The following TMEM63C variants were observed in gnomAD, a reference collection of about 807,000 sequenced individuals.
TMEM63C encodes transmembrane protein 63C, also known as osmosensitive cation channel TMEM63C.
Under a neutral mutation model 99.2 loss-of-function variants are expected in TMEM63C, and 32 were observed. That is an observed-to-expected ratio of 0.32 (90% CI 0.24 to 0.43). TMEM63C has a LOEUF of 0.43. Ranked by LOEUF, TMEM63C falls within the 20% of genes least tolerant of loss-of-function variation. TMEM63C has a pLI of 1.00. For synonymous variants in TMEM63C, 376 were observed against 397.9 expected (o/e 0.94, Z 0.66); for missense variants, 826 against 1,053.0 (o/e 0.78, Z 2.98).
At chr14:77,225,946 C>T (rs1888813291) in intron 6 of TMEM63C, among the ~76,000 whole-genome samples, 1 of 151,918 alleles carries the variant, frequency 6.6e-6, no homozygotes, top group African/African-American at 2.4e-5. Flanking sequence ...GAATGCCAGA[C>T]CCCACTTTGC....
At chr14:77,237,297 G>A (rs1889079552) in intron 9 of TMEM63C, among the ~76,000 whole-genome samples, 1 of 152,094 alleles carries the variant, frequency 6.6e-6, no homozygotes, top group Admixed American at 6.5e-5. Flanking sequence ...CTAGGCCCGT[G>A]CCTCGCCCTT....
intron 23 of TMEM63C, 131 bp from the exon 24 acceptor site, chr14:77,256,395 G>A (rs1288174976): frequency 1.2e-6 from 1 of 854,052 alleles, no homozygotes; most frequent in Admixed American, 2.1e-5. Flanking sequence ...CCAGGCTGCT[G>A]GGGAAGAAGG....
intron 2 of TMEM63C, among the ~76,000 whole-genome samples, chr14:77,217,643 G>A (rs1268694503): frequency 6.6e-6 from 1 of 152,134 alleles, no homozygotes; most frequent in Non-Finnish European, 1.5e-5. Flanking sequence ...AGTAGCTACC[G>A]GACACCTCCC....
chr14:77,220,011 C>T lies in TMEM63C; in HGVS notation c.236C>T (p.Thr79Ile), dbSNP rs759987716. 21 of 1,558,056 alleles carry T rather than the reference C, an allele frequency of 1.3e-5. No individual in the cohort carries two copies. Among genetic ancestry groups the T allele is most frequent in the Non-Finnish European group, 1.7e-5 (20 of 1,150,778 alleles). ...GCCCCTTCCCTGGCTGGCAGCCTGA[C>T]CTCGCTGATCTATGGGGAGCAGAGC... ...LALLIHNDSL[T>I]SLIYGEQSEK... The change falls in exon 5 of 24, where the codon ACC (threonine) becomes ATC (isoleucine). Residue 79 changes from threonine to isoleucine, a missense_variant. Transcript: ENST00000298351.
intron 6 of TMEM63C, among the ~76,000 whole-genome samples, chr14:77,226,262 T>C (rs1042812473): frequency 6.6e-6 from 1 of 151,562 alleles, no homozygotes; most frequent in African/African-American, 2.4e-5. Context: ...ACCCAAAGAC[T>C]CCTATCACAG....
In TMEM63C at chr14:77,256,540, C is replaced by T. The variant is rs764206947; in HGVS notation, c.2235C>T (p.Thr745=). Residue 745 remains threonine, a synonymous_variant, in exon 24 of 24, where the codon ACC becomes ACT. Coordinates refer to ENST00000298351, the MANE Select transcript of TMEM63C (RefSeq NM_020431.4). ...STPTSLLYVA[T]VLQEPELNLT... ...ATCCCAAGCAGCTGTATGTGGCCAC[C>T]GTGCTGCAAGAACCGGAGTTGAATC... 6.8e-6 allele frequency: 11 copies of T among 1,613,828 alleles called. No individual in the cohort carries two copies. The highest frequency in any genetic ancestry group is 6.6e-5 in the South Asian group (6 of 91,080).
intron 8 of TMEM63C, among the ~76,000 whole-genome samples, chr14:77,235,015 C>T (rs1421508335): frequency 6.6e-6 from 1 of 152,202 alleles, no homozygotes; most frequent in Non-Finnish European, 1.5e-5. Context: ...GGCACCGACC[C>T]TCTCTCACCC....
At chr14:77,225,537 C>T (rs1888805075) in intron 6 of TMEM63C, 76 bp downstream of exon 6, 1 of 1,497,146 alleles carries the variant, frequency 6.7e-7, no homozygotes, top group Non-Finnish European at 9.2e-7. Flanking sequence ...GAAAAGTTAG[C>T]AGCCCCCAGC....
chr14:77,244,729 T>A (rs1029259623), intron 16 of TMEM63C, among the ~76,000 whole-genome samples: 12 of 152,174 alleles, frequency 7.9e-5, no homozygotes, highest in Non-Finnish European at 1.5e-5. Flanking sequence ...AGCTTCTCCC[T>A]CAGCCCCCAG....
chr14:77,209,710 C>T (rs1454397075), intron 1 of TMEM63C, among the ~76,000 whole-genome samples: 2 of 152,158 alleles, frequency 1.3e-5, no homozygotes, highest in Non-Finnish European at 2.9e-5. Flanking sequence ...GCTTTAAATG[C>T]TGATGAGACC....
At chr14:77,230,556 A>T (rs914613734) in intron 6 of TMEM63C, among the ~76,000 whole-genome samples, 6 of 152,076 alleles carry the variant, frequency 3.9e-5, no homozygotes. Flanking sequence ...CGAGCATTAC[A>T]CCTGAGCTCT....
At position 77,196,070 on chromosome 14, in the gene TMEM63C, G is replaced by C. The variant is rs186193973; in HGVS notation, c.-77+14176G>C. 3.9e-5 allele frequency: 6 copies of C among 152,888 alleles called. No individual in the cohort carries two copies. The East Asian group carries it at 7.7e-4, about 20-fold the overall frequency. The allele number at this position is 152,888 out of a possible 1,614,324, so 9.5% of individuals were successfully genotyped here. On this transcript the variant is annotated intron_variant, in intron 1 of 23. Transcript: ENST00000298351. ...AGGGTTCTGTTGTCCCTGTGCTATA[G>C]AGCCTTGGAGGAGCCTCCCTCGGGG... is the stretch of plus-strand genomic sequence containing the variant.
intron 18 of TMEM63C, among the ~76,000 whole-genome samples, chr14:77,247,708 G>A (rs1488745812): frequency 6.6e-6 from 1 of 152,160 alleles, no homozygotes; most frequent in Non-Finnish European, 1.5e-5. Context: ...AATTTTCAAA[G>A]ATATGTTGCA....
chr14:77,252,486 T>C (rs1200684007), intron 22 of TMEM63C, among the ~76,000 whole-genome samples: 2 of 152,140 alleles, frequency 1.3e-5, no homozygotes, highest in Non-Finnish European at 2.9e-5. Context: ...AGCTCAGCAT[T>C]TCCCAGAATG....
rs117440827 is a variant in TMEM63C, at chr14:77,222,487, C to T, written c.312+2400C>T. ...TTTCCACCTGCATCCAGAGAGATTC[C>T]CCTGCCTGGGGACATATATTCTGCT... On this transcript the variant is annotated intron_variant, in intron 5 of 23. Coordinates refer to ENST00000298351, the MANE Select transcript of TMEM63C (RefSeq NM_020431.4). Among the ~76,000 whole-genome samples the T allele has an allele frequency of 6.5e-3, 986 of 152,304 alleles. 3 individuals are homozygous for T. The highest frequency in any genetic ancestry group is 0.012 in the Admixed American group (177 of 15,304).
chr14:77,249,550 C>T, intron 21 of TMEM63C, 92 bp downstream of exon 21: 12 of 1,438,496 alleles, frequency 8.3e-6, no homozygotes, highest in Non-Finnish European at 1.1e-5. Flanking sequence ...GAGAAAAGCC[C>T]AGGCAGGGCA....
intron 1 of TMEM63C, among the ~76,000 whole-genome samples, chr14:77,197,374 C>T (rs1366177380): frequency 6.6e-6 from 1 of 152,218 alleles, no homozygotes; most frequent in Non-Finnish European, 1.5e-5. Context: ...TCTGGCCATT[C>T]CCAGGGCCCC....
chr14:77,196,485 G>A (rs1888216925), intron 1 of TMEM63C, among the ~76,000 whole-genome samples: 1 of 152,210 alleles, frequency 6.6e-6, no homozygotes, highest in South Asian at 2.1e-4. Context: ...GGCAGAAGAT[G>A]CTCTGGTTTT....
At chr14:77,220,161 A>ACC in intron 5 of TMEM63C, 74 bp downstream of exon 5, 9 of 1,408,882 alleles carry the variant, frequency 6.4e-6, no homozygotes, top group Non-Finnish European at 8.8e-6. Flanking sequence ...ACAGGAAGAA[A>ACC]CACGGCTTAG....
Sources: allele counts gnomAD v4.1 joint callset (sites outside exome capture counted in the v4.1 genomes callset), GRCh38; gene constraint gnomAD v4.1.1; transcripts MANE v1.5; gene names NCBI Gene and HGNC (gene_info 2026-07-23, HGNC 2026-07-21).